The following WNT4 variants were observed in gnomAD, a reference collection of about 807,000 sequenced individuals.
WNT4 encodes the protein Wnt family member 4, also known as protein Wnt-4.
A neutral mutation model predicts 34.5 loss-of-function variants in WNT4; 16 were observed. That is an observed-to-expected ratio of 0.46 (90% CI 0.31 to 0.70). The LOEUF (loss-of-function observed/expected upper bound fraction) is 0.70, where lower values mean the gene tolerates loss of function less well. WNT4 is among the 30% of genes least tolerant of loss of function. The pLI is 0.04. For synonymous variants in WNT4, 200 were observed against 211.9 expected, an observed-to-expected ratio of 0.94 and a Z score of 0.49; for missense variants, 379 against 495.9, an observed-to-expected ratio of 0.76 and a Z score of 2.24.
intron 2 of WNT4, among the ~76,000 whole-genome samples, chr1:22,123,836 A>ATGCTGTAGGTGG (rs1645921498): frequency 6.6e-6 from 1 of 152,198 alleles, no homozygotes; most frequent in African/African-American, 2.4e-5. Context: ...GTCCACCCCA[A>ATGCTGTAGGTGG]ACTTCACATG....
At chr1:22,127,658 T>G (rs1401301838) in intron 2 of WNT4, among the ~76,000 whole-genome samples, 6 of 152,136 alleles carry the variant, frequency 3.9e-5, no homozygotes, top group Non-Finnish European at 7.4e-5. Context: ...AAATAGAGAA[T>G]AACAAAGCAA....
chr1:22,133,212 TAGA>T (rs931001050), intron 1 of WNT4, among the ~76,000 whole-genome samples: 9 of 151,952 alleles, frequency 5.9e-5, no homozygotes, highest in Non-Finnish European at 1.3e-4. Context: ...GCACAGTGCA[TAGA>T]AGGTGTTTAA....
chr1:22,142,726 C>T lies in WNT4; in HGVS notation c.77+120G>A. ...AGCGGAGCGAGCGAGCCTCCGGTCC[C>T]GCGGCCGAGACACCTGCCGGGCTGC... On this transcript the variant is annotated intron_variant, in intron 1 of 4. Coordinates refer to ENST00000290167, the MANE Select transcript of WNT4 (RefSeq NM_030761.5). This position sits in a 1 kb window ranked among gnomAD's most constrained non-coding sequence, Gnocchi z 6.0. 1.4e-6 allele frequency: 1 copy of T among 694,574 alleles called. No individual in the cohort carries two copies. The highest frequency in any genetic ancestry group is 1.8e-6 in the Non-Finnish European group (1 of 565,088). 43.0% of individuals were successfully genotyped at this position (694,574 alleles called of 1,614,324 possible).
At position 22,129,704 on chromosome 1, in the gene WNT4, A is replaced by T; in HGVS notation, c.225T>A (p.Ile75=). The T allele has an allele frequency of 6.2e-7, 1 of 1,613,928 alleles. No individual in the cohort carries two copies. The change falls in exon 2 of 5, where the codon ATT becomes ATA. Residue 75 remains isoleucine (I), a synonymous_variant. Coordinates refer to ENST00000290167, the MANE Select transcript of WNT4 (RefSeq NM_030761.5). ...TCCGGAACTGGTACTGGCACTCCTC[A>T]ATGGCCAGCTGGGCACCGCGGCGCA... ...DSVRRGAQLA[I]EECQYQFRNR...
At chr1:22,127,292 G>C (rs756319761) in intron 2 of WNT4, 4 of 526,218 alleles carry the variant, frequency 7.6e-6, no homozygotes, top group African/African-American at 3.9e-5. Flanking sequence ...TGCTGAGCCG[G>C]TGTGGGTGCC....
chr1:22,129,570 C>A (rs753312604), intron 2 of WNT4, 46 bp downstream of exon 2: 1 of 1,584,628 alleles, frequency 6.3e-7, no homozygotes, highest in Non-Finnish European at 8.6e-7. Flanking sequence ...GGGCCCATGC[C>A]CTGGCACCGC....
Position 22,143,004 on chromosome 1 carries a change from G to A in WNT4, c.-82C>T, listed in dbSNP as rs2124146174. ...GTCGGGGCTGCAGGTGGGCGCCCGC[G>A]GGCGGGCCGGGGCGCGCGCGGCGGG... On this transcript the variant is annotated 5_prime_UTR_variant, in exon 1 of 5. Coordinates refer to ENST00000290167, the MANE Select transcript of WNT4 (RefSeq NM_030761.5). The A allele has an allele frequency of 1.5e-6, 1 of 669,990 alleles. No homozygotes were observed. Among genetic ancestry groups the A allele is most frequent in the Non-Finnish European group, 1.8e-6 (1 of 545,714 alleles). The allele number at this position is 669,990 out of a possible 1,614,324, so 41.5% of individuals were successfully genotyped here.
intron 2 of WNT4, among the ~76,000 whole-genome samples, chr1:22,122,179 G>C (rs746686330): frequency 6.6e-6 from 1 of 152,184 alleles, no homozygotes. Flanking sequence ...TGCTTCCTTA[G>C]AGTAAACCGT....
At position 22,129,599 on chromosome 1, in the gene WNT4, G is replaced by A. The variant is rs755220904; in HGVS notation, c.313+17C>T. 5 of 1,608,960 alleles carry A rather than the reference G, an allele frequency of 3.1e-6. No homozygotes were observed. The highest frequency in any genetic ancestry group is 2.2e-5 in the East Asian group (1 of 44,634). ...GCACCGCAGGCTCCCCTGCAGCCCC[G>A]CACGCCCTTCCCTCACCTTGCGTCA... On this transcript the variant is annotated intron_variant, in intron 2 of 4. Transcript: ENST00000290167.
chr1:22,124,523 A>G (rs951631703), intron 2 of WNT4, among the ~76,000 whole-genome samples: 1 of 152,136 alleles, frequency 6.6e-6, no homozygotes, highest in African/African-American at 2.4e-5. Context: ...ACTCTTTCTG[A>G]GGGCTTGCTA....
chr1:22,137,818 A>AT lies in WNT4; in HGVS notation c.77+5027dup, dbSNP rs1195052032. 1.1e-3 allele frequency among the ~76,000 whole-genome samples: 174 copies of AT among 152,278 alleles called. No homozygotes were observed. Among genetic ancestry groups the AT allele is most frequent in the Middle Eastern group, 3.4e-3 (1 of 294 alleles). On this transcript the variant is annotated intron_variant, in intron 1 of 4. Transcript: ENST00000290167. The surrounding 1 kb of genome is among the most constrained non-coding windows in gnomAD (Gnocchi z 5.3). Reference sequence around the variant, plus strand: ...CCAGCAGTGAGGGGCAGAGCAGCAGATCGGGGGGGCAACAGACACACTTCC... The same window carrying AT: ...CCAGCAGTGAGGGGCAGAGCAGCAGATTCGGGGGGGCAACAGACACACTTCC...
At position 22,137,274 on chromosome 1, in the gene WNT4, G is replaced by T. The variant is rs1483179986; in HGVS notation, c.77+5572C>A. Among the ~76,000 whole-genome samples, 3 of 152,172 alleles carry T rather than the reference G, an allele frequency of 2.0e-5. No homozygotes were observed. Among genetic ancestry groups the T allele is most frequent in the African/African-American group, 7.2e-5 (3 of 41,440 alleles). ...CTGGTGGGGTCACGGCAGGGAGCGA[G>T]CCGTCCCGAGTTTGGCTGAATCACA... On this transcript the variant is annotated intron_variant, in intron 1 of 4. Transcript: ENST00000290167. This position sits in a 1 kb window ranked among gnomAD's most constrained non-coding sequence, Gnocchi z 5.3.
rs954778618 is a variant in WNT4, at chr1:22,139,792, G to A, written c.77+3054C>T. 1.6e-4 allele frequency among the ~76,000 whole-genome samples: 24 copies of A among 152,156 alleles called. No individual in the cohort carries two copies. The highest frequency in any genetic ancestry group is 5.6e-4 in the African/African-American group (23 of 41,432). On this transcript the variant is annotated intron_variant, in intron 1 of 4. Transcript: ENST00000290167. The surrounding 1 kb of genome is among the most constrained non-coding windows in gnomAD (Gnocchi z 4.6). ...TAGAAACATTTCTGAGCTCAGGTCC[G>A]TGGCAGGGCAGCCTCCTTAAGGGCA...
Position 22,129,785 on chromosome 1 carries a change from G to A in WNT4, c.144C>T (p.Gly48=). Residue 48 remains glycine, a synonymous_variant, in exon 2 of 5, where the codon GGC becomes GGT. Transcript: ENST00000290167. ...ACATCTGCACCTGCCTCTGGATCAG[G>A]CCCTTGAGTTTCTCGCACGTCTCCT... ...SEEETCEKLK[G]LIQRQVQMCK... The A allele has an allele frequency of 6.2e-7, 1 of 1,614,058 alleles. No homozygotes were observed. Among genetic ancestry groups the A allele is most frequent in the Non-Finnish European group, 8.5e-7 (1 of 1,180,016 alleles).
At chr1:22,129,095 T>C (rs11582542) in intron 2 of WNT4, among the ~76,000 whole-genome samples, 26,322 of 152,160 alleles carry the variant, frequency 0.17, 2,377 homozygotes, top group Middle Eastern at 0.21. Context: ...TGCATCCCTG[T>C]ATCTCAGGGC....
chr1:22,129,010 G>A (rs905087953), intron 2 of WNT4, among the ~76,000 whole-genome samples: 7 of 152,222 alleles, frequency 4.6e-5, no homozygotes, highest in Non-Finnish European at 7.3e-5. Context: ...ATGAGCTGCC[G>A]CGCCCAGCTG....
chr1:22,130,492 G>A (rs1645974775), intron 1 of WNT4, among the ~76,000 whole-genome samples: 1 of 152,258 alleles, frequency 6.6e-6, no homozygotes, highest in Non-Finnish European at 1.5e-5. Context: ...CAAAAGCCAA[G>A]TGCAGCATGC....
chr1:22,131,753 C>T (rs951985875), intron 1 of WNT4, among the ~76,000 whole-genome samples: 2 of 152,178 alleles, frequency 1.3e-5, no homozygotes, highest in African/African-American at 2.4e-5. Context: ...GCAAAGTAGG[C>T]GGTCTCAGGC....
intron 4 of WNT4, 31 bp from the exon 5 acceptor site, chr1:22,120,548 C>T: frequency 6.3e-7 from 1 of 1,582,240 alleles, no homozygotes; most frequent in East Asian, 2.3e-5. Flanking sequence ...GAGGGGCCAT[C>T]AGGAGATGGC....
Sources: gnomAD v4.1 joint callset for allele counts (sites outside exome capture counted in the v4.1 genomes callset) on GRCh38, gnomAD v4.1.1 for gene constraint, Gnocchi (gnomAD v3.1) non-coding constraint, MANE v1.5 for transcripts, NCBI Gene and HGNC (gene_info 2026-07-23, HGNC 2026-07-21) for gene names.